The following FUT8 variants were observed in gnomAD, a reference collection of about 807,000 sequenced individuals.
FUT8 encodes fucosyltransferase 8.
In FUT8, 29 loss-of-function variants were observed where a neutral mutation model predicts 71.3. That is an observed-to-expected ratio of 0.41 (90% CI 0.30 to 0.55). FUT8 has a LOEUF of 0.55. Ranked by LOEUF, FUT8 falls within the 20% of genes least tolerant of loss-of-function variation. The pLI is 0.34. For synonymous variants in FUT8, 254 were observed against 239.3 expected, an observed-to-expected ratio of 1.06 and a Z score of -0.57; for missense variants, 544 against 702.1, an observed-to-expected ratio of 0.77 and a Z score of 2.55.
chr14:65,653,339 T>A (rs1166940838), intron 6 of FUT8, among the ~76,000 whole-genome samples: 1 of 152,218 alleles, frequency 6.6e-6, no homozygotes, highest in African/African-American at 2.4e-5. Context: ...ATGTCTATCC[T>A]TCTGACTGAA....
At chr14:65,519,264 G>T (rs1245061442) in intron 2 of FUT8, among the ~76,000 whole-genome samples, 1 of 152,116 alleles carries the variant, frequency 6.6e-6, no homozygotes, top group African/African-American at 2.4e-5. Flanking sequence ...ACTTAAGTCG[G>T]TTATGGTAAT....
chr14:65,650,303 A>G (rs1434887361), intron 6 of FUT8, among the ~76,000 whole-genome samples: 2 of 117,330 alleles, frequency 1.7e-5, no homozygotes, highest in African/African-American at 6.0e-5. Context: ...TGTCTCAAAA[A>G]AAAAAAAAAA....
chr14:65,639,619 A>T (rs1255624739), intron 6 of FUT8, among the ~76,000 whole-genome samples: 1 of 151,996 alleles, frequency 6.6e-6, no homozygotes, highest in Non-Finnish European at 1.5e-5. Context: ...TATTTCCCAT[A>T]TCTCTGGTAC....
intron 1 of FUT8, among the ~76,000 whole-genome samples, chr14:65,448,316 G>T (rs191239142): frequency 6.6e-6 from 1 of 152,032 alleles, no homozygotes; most frequent in African/African-American, 2.4e-5. Flanking sequence ...AGAATGGGGG[G>T]GCGGAATAAA....
chr14:65,473,116 TATAATA>T (rs956760825), intron 2 of FUT8, among the ~76,000 whole-genome samples: 3 of 152,190 alleles, frequency 2.0e-5, no homozygotes, highest in African/African-American at 7.2e-5. Flanking sequence ...TTTACAAAGT[TATAATA>T]ATAATTTCTT....
At chr14:65,533,407 T>C (rs901783603) in intron 2 of FUT8, among the ~76,000 whole-genome samples, 17 of 152,202 alleles carry the variant, frequency 1.1e-4, no homozygotes, top group African/African-American at 3.9e-4. Flanking sequence ...TTTTATTCTT[T>C]TTGTGGCAGT....
the FUT8 span, among the ~76,000 whole-genome samples, chr14:65,404,581 T>A: frequency 2.6e-5 from 4 of 152,042 alleles, no homozygotes; most frequent in African/African-American, 9.7e-5. Flanking sequence ...GTCAAGCAAT[T>A]CCCCTGCCTC....
intron 7 of FUT8, among the ~76,000 whole-genome samples, chr14:65,714,091 T>C (rs1367146598): frequency 6.6e-6 from 1 of 152,232 alleles, no homozygotes; most frequent in Admixed American, 6.5e-5. Flanking sequence ...AGCATATGGA[T>C]ATCCAGTTTT....
chr14:65,417,727 A>C lies in FUT8; in HGVS notation c.-326+4513A>C, dbSNP rs188527956. On this transcript the variant is annotated intron_variant, in intron 1 of 10. Transcript: ENST00000673929. The stretch of plus-strand genomic sequence containing the variant: ...CTTCTTTTAATTAACAAATTATACC[A>C]ATATAAGGGTAGTGTTAATGTGGTT... Among the ~76,000 whole-genome samples, 29 of 152,304 alleles carry C rather than the reference A, an allele frequency of 1.9e-4. No homozygotes were observed. The East Asian group carries it at 4.2e-3, about 22-fold the overall frequency.
chr14:65,375,995 G>A, the FUT8 span, among the ~76,000 whole-genome samples: 2 of 151,698 alleles, frequency 1.3e-5, no homozygotes, highest in Admixed American at 6.6e-5. Flanking sequence ...GGAAGCTGAG[G>A]CCGGAGAATC....
chr14:65,683,259 C>T (rs1228665140), intron 7 of FUT8, among the ~76,000 whole-genome samples: 1 of 152,050 alleles, frequency 6.6e-6, no homozygotes, highest in Admixed American at 6.5e-5. Flanking sequence ...GTGATCCGCC[C>T]GCCTGGGCCT....
intron 1 of FUT8, among the ~76,000 whole-genome samples, chr14:65,445,861 CAGGTGATCCCCCTGCCTTGGCCTCCCAA>C (rs1263479778): frequency 6.6e-6 from 1 of 152,188 alleles, no homozygotes; most frequent in Non-Finnish European, 1.5e-5. Flanking sequence ...CTCCTAGGCT[CAGGTGATCCCCCTGCCTTGGCCTCCCAA>C]AGTGTTGGGA....
intron 2 of FUT8, among the ~76,000 whole-genome samples, chr14:65,504,523 T>G (rs2066695146): frequency 6.6e-6 from 1 of 152,218 alleles, no homozygotes; most frequent in Non-Finnish European, 1.5e-5. Flanking sequence ...GCTTCTTATA[T>G]TCTAGGGGAA....
At chr14:65,637,502 T>C (rs1461894019) in intron 6 of FUT8, among the ~76,000 whole-genome samples, 1 of 152,222 alleles carries the variant, frequency 6.6e-6, no homozygotes, top group Non-Finnish European at 1.5e-5. Context: ...GATTTTGTTT[T>C]CTGCATAGCC....
chr14:65,591,339 GA>G (rs1448212464), intron 3 of FUT8, among the ~76,000 whole-genome samples: 2 of 152,110 alleles, frequency 1.3e-5, no homozygotes, highest in African/African-American at 4.8e-5. Flanking sequence ...AAGTATTTAA[GA>G]ACATGAAAGG....
intron 2 of FUT8, among the ~76,000 whole-genome samples, chr14:65,491,854 T>G (rs1297726706): frequency 6.6e-6 from 1 of 152,176 alleles, no homozygotes; most frequent in Non-Finnish European, 1.5e-5. Context: ...AACTCATTGT[T>G]AAAAACTTGT....
intron 1 of FUT8, among the ~76,000 whole-genome samples, chr14:65,419,504 A>C (rs556192973): frequency 1.3e-5 from 2 of 152,192 alleles, no homozygotes; most frequent in African/African-American, 4.8e-5. Context: ...GACTTACTCA[A>C]TTTCTCCAAC....
chr14:65,731,411 C>A (rs1895972119), intron 9 of FUT8, among the ~76,000 whole-genome samples: 1 of 152,070 alleles, frequency 6.6e-6, no homozygotes, highest in Non-Finnish European at 1.5e-5. Flanking sequence ...AATTATTATT[C>A]CCAGTATCTG....
At chr14:65,575,643 C>T (rs1400421144) in intron 3 of FUT8, among the ~76,000 whole-genome samples, 4 of 144,294 alleles carry the variant, frequency 2.8e-5, no homozygotes, top group Non-Finnish European at 6.0e-5. Flanking sequence ...TTTTCCCCCA[C>T]ACTCTTGCTC....
Sources: allele counts gnomAD v4.1 joint callset (sites outside exome capture counted in the v4.1 genomes callset), GRCh38; gene constraint gnomAD v4.1.1; transcripts MANE v1.5; gene names NCBI Gene and HGNC (gene_info 2026-07-23, HGNC 2026-07-21).